RAD51B: variants seen among roughly 807,000 people sequenced by gnomAD.
RAD51B encodes RAD51 paralog B.
In RAD51B, 38 loss-of-function variants were observed where a neutral mutation model predicts 42.2. The ratio of observed to expected loss-of-function variants is 0.90; its 90% CI spans 0.70 to 1.18. The LOEUF (loss-of-function observed/expected upper bound fraction) is 1.18. Among genes scored for constraint, RAD51B ranks in the 50% most tolerant of loss-of-function variants. The probability of loss-of-function intolerance (pLI) is 0.00; values close to 1 mark genes in which losing one functional copy is unlikely to be tolerated. For missense variants in RAD51B, 373 were observed against 400.7 expected (o/e 0.93, Z 0.59); for synonymous variants, 154 against 145.2 (o/e 1.06, Z -0.43).
At chr14:67,883,426 T>G (rs2042976486) in intron 5 of RAD51B, among the ~76,000 whole-genome samples, 1 of 152,108 alleles carries the variant, frequency 6.6e-6, no homozygotes, top group South Asian at 2.1e-4. Context: ...TTACTCTCTG[T>G]GTTCCAGATA....
At chr14:68,626,570 G>A (rs1892087462) in intron 10 of RAD51B, among the ~76,000 whole-genome samples, 1 of 152,216 alleles carries the variant, frequency 6.6e-6, no homozygotes, top group African/African-American at 2.4e-5. Context: ...TGGCAGTGAT[G>A]CTGAATGTTG....
chr14:68,621,648 C>T (rs1001754645), intron 10 of RAD51B, among the ~76,000 whole-genome samples: 4 of 152,234 alleles, frequency 2.6e-5, no homozygotes, highest in Non-Finnish European at 5.9e-5. Flanking sequence ...CACATTGGGG[C>T]CCCAAGGACA....
intron 7 of RAD51B, among the ~76,000 whole-genome samples, chr14:68,173,844 T>C (rs941996968): frequency 2.0e-5 from 3 of 152,192 alleles, no homozygotes; most frequent in Non-Finnish European, 2.9e-5. Flanking sequence ...CAGTAAAATA[T>C]ACAAACTACT....
At chr14:68,639,520 A>G (rs182100294) in intron 10 of RAD51B, among the ~76,000 whole-genome samples, 1 of 152,294 alleles carries the variant, frequency 6.6e-6, no homozygotes, top group East Asian at 1.9e-4. Context: ...CAGGACAGGG[A>G]CAGGGACTGT....
chr14:68,334,784 A>T (rs1442268816), intron 8 of RAD51B, among the ~76,000 whole-genome samples: 1 of 151,570 alleles, frequency 6.6e-6, no homozygotes, highest in Non-Finnish European at 1.5e-5. Flanking sequence ...TGTGATTGGC[A>T]TACTTTACTT....
At chr14:68,564,033 G>T in intron 10 of RAD51B, 2 of 715,050 alleles carry the variant, frequency 2.8e-6, no homozygotes, top group Non-Finnish European at 3.4e-6. Context: ...ACAGCTGGCC[G>T]CACTAGAGGG....
At chr14:68,225,923 T>C (rs775586749) in intron 7 of RAD51B, among the ~76,000 whole-genome samples, 37 of 152,216 alleles carry the variant, frequency 2.4e-4, no homozygotes, top group Non-Finnish European at 2.8e-4. Context: ...AGAATTTCCA[T>C]CTCTGAGGAC....
intron 7 of RAD51B, among the ~76,000 whole-genome samples, chr14:68,049,125 G>T (rs2076350574): frequency 6.6e-6 from 1 of 151,776 alleles, no homozygotes; most frequent in Non-Finnish European, 1.5e-5. Flanking sequence ...ACCAAACACT[G>T]CATGTTCTCA....
At chr14:67,839,559 C>T (rs952563038) in intron 4 of RAD51B, among the ~76,000 whole-genome samples, 4 of 151,516 alleles carry the variant, frequency 2.6e-5, no homozygotes, top group African/African-American at 7.3e-5. Flanking sequence ...TGTTTTATTT[C>T]TCCCTCTCTT....
At chr14:67,924,517 C>T (rs781160749) in intron 7 of RAD51B, among the ~76,000 whole-genome samples, 16 of 152,138 alleles carry the variant, frequency 1.1e-4, no homozygotes, top group Admixed American at 4.6e-4. Flanking sequence ...CTGGGGAAGC[C>T]GCACAATCAT....
chr14:68,108,890 A>C (rs1042998171), intron 7 of RAD51B, among the ~76,000 whole-genome samples: 2 of 151,940 alleles, frequency 1.3e-5, no homozygotes, highest in African/African-American at 4.8e-5. Flanking sequence ...TTGCAATTCA[A>C]GTACAATATA....
chr14:68,500,301 G>T (rs928522167), intron 10 of RAD51B, among the ~76,000 whole-genome samples: 6 of 152,242 alleles, frequency 3.9e-5, no homozygotes, highest in African/African-American at 1.4e-4. Flanking sequence ...CTACATGGTT[G>T]CTATTCTCAT....
intron 7 of RAD51B, among the ~76,000 whole-genome samples, chr14:68,241,097 A>C (rs1028061802): frequency 6.6e-6 from 1 of 152,174 alleles, no homozygotes; most frequent in Non-Finnish European, 1.5e-5. Context: ...TCCCTTTAAA[A>C]TGTGGCTCTG....
At chr14:68,424,955 T>C (rs1389355522) in intron 9 of RAD51B, among the ~76,000 whole-genome samples, 1 of 151,996 alleles carries the variant, frequency 6.6e-6, no homozygotes, top group Non-Finnish European at 1.5e-5. Context: ...TAAAATTTTA[T>C]GTAGAGATGG....
intron 10 of RAD51B, among the ~76,000 whole-genome samples, chr14:68,485,253 C>A (rs906960903): frequency 3.9e-5 from 6 of 152,122 alleles, no homozygotes; most frequent in Non-Finnish European, 8.8e-5. Flanking sequence ...CCCCTTACAC[C>A]CTCACAGCCT....
chr14:68,382,247 T>C (rs1162323679), intron 8 of RAD51B, among the ~76,000 whole-genome samples: 1 of 152,180 alleles, frequency 6.6e-6, no homozygotes, highest in Non-Finnish European at 1.5e-5. Flanking sequence ...CTCTTCCCAC[T>C]GGGTAGATGC....
At chr14:68,648,780 A>G (rs1892639432) in intron 10 of RAD51B, among the ~76,000 whole-genome samples, 1 of 151,630 alleles carries the variant, frequency 6.6e-6, no homozygotes, top group South Asian at 2.1e-4. Flanking sequence ...TTGGGACTCA[A>G]TTTCCTCATT....
At chr14:67,928,363 C>T (rs780497029) in intron 7 of RAD51B, among the ~76,000 whole-genome samples, 22 of 151,970 alleles carry the variant, frequency 1.4e-4, no homozygotes, top group Non-Finnish European at 2.8e-4. Flanking sequence ...GAAGAAGCTC[C>T]CCCATACAGA....
chr14:68,224,543 A>G (rs75782306), intron 7 of RAD51B, among the ~76,000 whole-genome samples: 1 of 152,302 alleles, frequency 6.6e-6, no homozygotes, highest in East Asian at 1.9e-4. Context: ...ATCTATTCAT[A>G]TTTATTCAGT....
Sources: allele counts gnomAD v4.1 joint callset (sites outside exome capture counted in the v4.1 genomes callset), GRCh38; gene constraint gnomAD v4.1.1; transcripts MANE v1.5; gene names NCBI Gene and HGNC (gene_info 2026-07-23, HGNC 2026-07-21).